ACTL8: variants seen among roughly 807,000 people sequenced by gnomAD.
ACTL8 encodes the protein actin like 8.
A neutral mutation model predicts 9.3 loss-of-function variants in ACTL8; 3 were observed. That is an observed-to-expected ratio of 0.32 (90% confidence interval 0.15 to 0.83). The LOEUF is 0.83. Among genes scored for constraint, ACTL8 ranks in the 40% least tolerant of loss-of-function variants. The pLI, the probability that ACTL8 is intolerant of heterozygous loss-of-function variation, is 0.57. For synonymous variants in ACTL8, 224 were observed against 205.9 expected (o/e 1.09, Z -0.75); for missense variants, 381 against 492.2 (o/e 0.77, Z 2.14).
intron 1 of ACTL8, among the ~76,000 whole-genome samples, chr1:17,797,686 C>T (rs2066287686): frequency 6.6e-6 from 1 of 152,198 alleles, no homozygotes; most frequent in Admixed American, 6.5e-5. Context: ...CTGGGTGTGG[C>T]TCTGGCAGCT....
intron 1 of ACTL8, among the ~76,000 whole-genome samples, chr1:17,792,238 T>G (rs905689379): frequency 1.3e-5 from 2 of 152,234 alleles, no homozygotes; most frequent in African/African-American, 4.8e-5. Flanking sequence ...CTTATTCCAG[T>G]CATCCCGACT....
chr1:17,790,076 G>C lies in ACTL8; in HGVS notation c.-24-32909G>C, dbSNP rs116743157. ...ACATGCCAGCTGCTGCAGTGGGGCA[G>C]GCAGCTCTGGGTGCCAGCACAGGTG... On this transcript the variant is annotated intron_variant, in intron 1 of 2. Coordinates refer to ENST00000375406, the MANE Select transcript of ACTL8 (RefSeq NM_030812.3). 5.7e-3 allele frequency among the ~76,000 whole-genome samples: 870 copies of C among 152,346 alleles called. 12 individuals carry two copies. The highest frequency in any genetic ancestry group is 0.019 in the African/African-American group (808 of 41,592).
At chr1:17,797,421 C>T (rs962353645) in intron 1 of ACTL8, among the ~76,000 whole-genome samples, 1 of 152,186 alleles carries the variant, frequency 6.6e-6, no homozygotes, top group African/African-American at 2.4e-5. Context: ...CATGCCATAT[C>T]GGCGCTTCCC....
chr1:17,825,988 G>A lies in ACTL8; in HGVS notation c.570G>A (p.Lys190=), dbSNP rs765073774. Residue 190 remains lysine (K), a synonymous_variant, in exon 3 of 3, where the codon AAG becomes AAA. Transcript: ENST00000375406. ...CCTATCTCCTCAAGAGTCTCTTTAA[G>A]GAAGATTGCGATAGACGCTGCCTGT... The part of the protein sequence containing the change: ...LSAYLLKSLF[K]EDCDRRCLFQ... 2.8e-5 allele frequency: 45 copies of A among 1,608,716 alleles called. No individual in the cohort carries two copies. Among genetic ancestry groups the A allele is most frequent in the Non-Finnish European group, 3.8e-5 (45 of 1,180,014 alleles).
chr1:17,811,731 G>A (rs1274154859), intron 1 of ACTL8, among the ~76,000 whole-genome samples: 4 of 152,058 alleles, frequency 2.6e-5, no homozygotes, highest in Non-Finnish European at 5.9e-5. Context: ...TTTTCATCAC[G>A]GAATTGTCCT....
rs553710705 is a variant in ACTL8, at chr1:17,823,373, C to T, written c.348+17C>T. ...ATGCTGGAGGTGAGGCCTGCCGGGG[C>T]CTGCTCCCACTCGGGAGCGGGAAAC... On this transcript the variant is annotated intron_variant, in intron 2 of 2. Coordinates refer to ENST00000375406, the MANE Select transcript of ACTL8 (RefSeq NM_030812.3). This position sits in a 1 kb window ranked among gnomAD's most constrained non-coding sequence, Gnocchi z 5.3. 6.2e-7 allele frequency: 1 copy of T among 1,600,376 alleles called. No homozygotes were observed. Among genetic ancestry groups the T allele is most frequent in the East Asian group, 2.2e-5 (1 of 44,746 alleles).
chr1:17,799,654 A>G, intron 1 of ACTL8, among the ~76,000 whole-genome samples: 1 of 151,808 alleles, frequency 6.6e-6, no homozygotes. Flanking sequence ...TCTTGTTTTT[A>G]GAAGTCCTTC....
intron 1 of ACTL8, among the ~76,000 whole-genome samples, chr1:17,756,473 T>C (rs1010609064): frequency 2.0e-5 from 3 of 152,226 alleles, no homozygotes; most frequent in African/African-American, 7.2e-5. Context: ...GGTTGCTCCT[T>C]GCGTCTGCTG....
chr1:17,799,602 C>T (rs1413414722), intron 1 of ACTL8, among the ~76,000 whole-genome samples: 6 of 149,722 alleles, frequency 4.0e-5, no homozygotes, highest in Non-Finnish European at 8.8e-5. Context: ...TGCTTCCTCT[C>T]TTTTTTTTCT....
intron 1 of ACTL8, among the ~76,000 whole-genome samples, chr1:17,815,866 T>A (rs539960520): frequency 6.6e-6 from 1 of 152,290 alleles, no homozygotes; most frequent in African/African-American, 2.4e-5. Context: ...CTCTCTGTGT[T>A]TTAGATTGAA....
At chr1:17,799,857 C>G (rs1356113745) in intron 1 of ACTL8, among the ~76,000 whole-genome samples, 2 of 151,610 alleles carry the variant, frequency 1.3e-5, no homozygotes, top group African/African-American at 4.9e-5. Context: ...ATCCTTTTTC[C>G]TCCGGTTTCA....
At chr1:17,758,020 C>T (rs547212187) in intron 1 of ACTL8, among the ~76,000 whole-genome samples, 4 of 152,314 alleles carry the variant, frequency 2.6e-5, no homozygotes, top group Admixed American at 2.6e-4. Flanking sequence ...CCCCTGCTGC[C>T]ACCACCTATG....
At chr1:17,808,222 A>G (rs889918407) in intron 1 of ACTL8, among the ~76,000 whole-genome samples, 3 of 152,204 alleles carry the variant, frequency 2.0e-5, no homozygotes, top group Admixed American at 1.3e-4. Flanking sequence ...GTGTGCAAAC[A>G]TTGCACAGAC....
At chr1:17,800,199 G>A (rs1254910066) in intron 1 of ACTL8, among the ~76,000 whole-genome samples, 2 of 152,192 alleles carry the variant, frequency 1.3e-5, no homozygotes, top group African/African-American at 4.8e-5. Flanking sequence ...ATGTTAACAT[G>A]ACAGTTTCCC....
intron 1 of ACTL8, among the ~76,000 whole-genome samples, chr1:17,802,940 G>A (rs561455781): frequency 2.0e-5 from 3 of 152,250 alleles, no homozygotes; most frequent in Admixed American, 6.5e-5. Flanking sequence ...AGCCGAGATC[G>A]TGCCATTGTA....
chr1:17,818,372 C>G (rs916388765), intron 1 of ACTL8, among the ~76,000 whole-genome samples: 1 of 152,208 alleles, frequency 6.6e-6, no homozygotes, highest in Non-Finnish European at 1.5e-5. Flanking sequence ...TCTCTGCAGT[C>G]TATCCTTTCT....
At chr1:17,778,505 CAG>C (rs1557432035) in intron 1 of ACTL8, among the ~76,000 whole-genome samples, 1 of 151,998 alleles carries the variant, frequency 6.6e-6, no homozygotes, top group Non-Finnish European at 1.5e-5. Flanking sequence ...GCTCCTGATT[CAG>C]AGAAGGGCCA....
At chr1:17,776,510 C>T (rs2066118805) in intron 1 of ACTL8, among the ~76,000 whole-genome samples, 1 of 152,098 alleles carries the variant, frequency 6.6e-6, no homozygotes, top group South Asian at 2.1e-4. Context: ...CTGCAGTCTC[C>T]CAGGAGCTTG....
rs1431179594 is a variant in ACTL8, at chr1:17,799,632, G to A, written c.-24-23353G>A. On this transcript the variant is annotated intron_variant, in intron 1 of 2. Transcript: ENST00000375406. Reference sequence around the variant, plus strand: ...TTTTCTCTGGCCTTAGAAATTGTGTGTGTGCCTTCTGTCTTGTTTTTAGAA... The same window carrying A: ...TTTTCTCTGGCCTTAGAAATTGTGTATGTGCCTTCTGTCTTGTTTTTAGAA... Among the ~76,000 whole-genome samples, 4 of 151,916 alleles carry A rather than the reference G, an allele frequency of 2.6e-5. No individual in the cohort carries two copies. The East Asian group carries it at 7.7e-4, about 29-fold the overall frequency.
Sources: allele counts gnomAD v4.1 joint callset (sites outside exome capture counted in the v4.1 genomes callset), GRCh38; gene constraint gnomAD v4.1.1; non-coding constraint Gnocchi (gnomAD v3.1); transcripts MANE v1.5; gene names NCBI Gene and HGNC (gene_info 2026-07-23, HGNC 2026-07-21).